Variants in RORA observed in about 807,000 individuals in gnomAD.
RORA encodes the protein RAR related orphan receptor A.
A neutral mutation model predicts 69.5 loss-of-function variants in RORA; 7 were observed. That is an observed-to-expected ratio of 0.10 (90% CI 0.06 to 0.19). The LOEUF (loss-of-function observed/expected upper bound fraction) is 0.19. Ranked by LOEUF, RORA falls within the 10% of genes least tolerant of loss-of-function variation. The pLI, the probability that RORA is intolerant of heterozygous loss-of-function variation, is 1.00. For synonymous variants in RORA, 261 were observed against 240.8 expected, an observed-to-expected ratio of 1.08 and a Z score of -0.78; for missense variants, 457 against 663.0, an observed-to-expected ratio of 0.69 and a Z score of 3.41.
At chr15:60,689,487 A>G (rs571467885) in intron 1 of RORA, among the ~76,000 whole-genome samples, 1 of 151,980 alleles carries the variant, frequency 6.6e-6, no homozygotes, top group Non-Finnish European at 1.5e-5. Context: ...TCTTTTTTTA[A>G]ATTTTAGTTT....
At chr15:60,721,939 C>T (rs2071298967) in intron 1 of RORA, among the ~76,000 whole-genome samples, 1 of 152,250 alleles carries the variant, frequency 6.6e-6, no homozygotes, top group African/African-American at 2.4e-5. Context: ...CGGCGTGCAA[C>T]CAACCCTTTA....
intron 1 of RORA, among the ~76,000 whole-genome samples, chr15:60,896,980 C>T (rs1404526916): frequency 6.6e-6 from 1 of 152,056 alleles, no homozygotes. Flanking sequence ...AGAATATCTA[C>T]CCAAGGTTGA....
At chr15:60,919,760 A>G (rs906781665) in intron 1 of RORA, among the ~76,000 whole-genome samples, 4 of 152,200 alleles carry the variant, frequency 2.6e-5, no homozygotes, top group African/African-American at 9.6e-5. Context: ...TTCCTTAGGT[A>G]GGAGTTTTCA....
At chr15:61,114,449 A>T (rs1197781314) in intron 1 of RORA, among the ~76,000 whole-genome samples, 1 of 152,186 alleles carries the variant, frequency 6.6e-6, no homozygotes, top group Non-Finnish European at 1.5e-5. Context: ...AGAAAAATGC[A>T]GTGTTGTTAG....
intron 1 of RORA, among the ~76,000 whole-genome samples, chr15:60,700,986 C>T (rs1330174049): frequency 6.6e-6 from 1 of 152,116 alleles, no homozygotes; most frequent in African/African-American, 2.4e-5. Context: ...AGCCATGTGC[C>T]CTGGTTTGGG....
chr15:60,706,185 T>C (rs907324132), intron 1 of RORA: 1 of 152,212 alleles, frequency 6.6e-6, no homozygotes, highest in Non-Finnish European at 1.5e-5. Context: ...GCTGGGCTCA[T>C]GTAGCATGAG....
chr15:60,694,564 TG>T (rs1194055235), intron 1 of RORA, among the ~76,000 whole-genome samples: 2 of 152,234 alleles, frequency 1.3e-5, no homozygotes, highest in Admixed American at 1.3e-4. Context: ...CTACCCACCT[TG>T]TATTTGTGAG....
chr15:60,724,445 C>A (rs752037884), intron 1 of RORA, among the ~76,000 whole-genome samples: 2 of 152,122 alleles, frequency 1.3e-5, no homozygotes, highest in Non-Finnish European at 1.5e-5. Flanking sequence ...AGATTTGAAC[C>A]CATACACTTT....
At chr15:60,751,551 G>A (rs574449922) in intron 1 of RORA, among the ~76,000 whole-genome samples, 2 of 152,246 alleles carry the variant, frequency 1.3e-5, no homozygotes, top group Non-Finnish European at 2.9e-5. Flanking sequence ...AAATGATGTT[G>A]AGGTGTAAAG....
At chr15:61,035,197 G>A (rs2140455152) in intron 1 of RORA, among the ~76,000 whole-genome samples, 1 of 152,082 alleles carries the variant, frequency 6.6e-6, no homozygotes, top group Non-Finnish European at 1.5e-5. Flanking sequence ...GGCTTTTACT[G>A]CATACTTTAT....
At chr15:61,203,000 C>T (rs993491026) in intron 1 of RORA, among the ~76,000 whole-genome samples, 4 of 151,990 alleles carry the variant, frequency 2.6e-5, no homozygotes, top group African/African-American at 7.3e-5. Flanking sequence ...GTTCACTATA[C>T]GTAAGATACA....
intron 3 of RORA, among the ~76,000 whole-genome samples, chr15:60,517,672 G>C (rs943499652): frequency 6.6e-6 from 1 of 152,142 alleles, no homozygotes; most frequent in African/African-American, 2.4e-5. Flanking sequence ...CTCTGTCCAA[G>C]CTGAAAGGTG....
rs61188463 is a variant in RORA, at chr15:61,175,541, T to TAAATAAAAAAAAAAAAAA, written c.166+53511_166+53512insTTTTTTTTTTTTTTATTT. On this transcript the variant is annotated intron_variant, in intron 1 of 10. Transcript: ENST00000335670. ...GAGCAACATAGTGAGATCCTGTTTC[T>TAAATAAAAAAAAAAAAAA]AAAAAAAAAAAAAAAAAACTTGCCA... 5.0e-5 allele frequency among the ~76,000 whole-genome samples: 6 copies of TAAATAAAAAAAAAAAAAA among 120,212 alleles called. 2 individuals are homozygous for TAAATAAAAAAAAAAAAAA. Among genetic ancestry groups the TAAATAAAAAAAAAAAAAA allele is most frequent in the Non-Finnish European group, 5.2e-5 (3 of 57,542 alleles). 78.9% of individuals were successfully genotyped at this position (120,212 alleles called of 152,430 possible).
chr15:61,187,139 A>G (rs1183402904), intron 1 of RORA, among the ~76,000 whole-genome samples: 2 of 152,254 alleles, frequency 1.3e-5, no homozygotes, highest in Non-Finnish European at 2.9e-5. Context: ...CAGGTTTAAG[A>G]AGTCCAACTA....
chr15:60,911,562 T>G (rs1182578569), intron 1 of RORA, among the ~76,000 whole-genome samples: 2 of 152,134 alleles, frequency 1.3e-5, no homozygotes, highest in Non-Finnish European at 2.9e-5. Context: ...TAAAAATCAT[T>G]CTAGAATGAA....
In RORA at chr15:61,128,189, G is replaced by A. The variant is rs2079159262; in HGVS notation, c.166+100864C>T. Among the ~76,000 whole-genome samples, 1 of 145,066 alleles carries A rather than the reference G, an allele frequency of 6.9e-6. No individual in the cohort carries two copies. The highest frequency in any genetic ancestry group is 1.5e-5 in the Non-Finnish European group (1 of 64,868). ...ATTTTCCCTATATCATAATTGCTGT[G>A]TGTGTGTATGCACACGTGTGTGTGT... On this transcript the variant is annotated intron_variant, in intron 1 of 10. Coordinates refer to ENST00000335670, the MANE Select transcript of RORA (RefSeq NM_134261.3). This position sits in a 1 kb window ranked among gnomAD's most constrained non-coding sequence, Gnocchi z 4.5.
At position 60,630,888 on chromosome 15, in the gene RORA, C is replaced by CTTTTTT. The variant is rs542275787; in HGVS notation, c.196+47763_196+47768dup. Among the ~76,000 whole-genome samples, 22 of 109,892 alleles carry CTTTTTT rather than the reference C, an allele frequency of 2.0e-4. 2 individuals are homozygous for CTTTTTT. The highest frequency in any genetic ancestry group is 5.3e-4 in the African/African-American group (14 of 26,436). The allele number at this position is 109,892 out of a possible 152,430, so 72.1% of individuals were successfully genotyped here. A position where few individuals can be genotyped will look rare whatever the true frequency, so the allele number is the denominator to read the frequency against. ...GGCATTTGGGCCAGGATGAGACTTT[C>CTTTTTT]TTTTTTTTTTTTTTTTTGAGACGGA... is the stretch of plus-strand genomic sequence containing the variant. On this transcript the variant is annotated intron_variant, in intron 2 of 10. Coordinates refer to ENST00000335670, the MANE Select transcript of RORA (RefSeq NM_134261.3).
chr15:60,580,500 T>C (rs1219914820), intron 2 of RORA, among the ~76,000 whole-genome samples: 2 of 152,230 alleles, frequency 1.3e-5, no homozygotes, highest in Non-Finnish European at 2.9e-5. Context: ...TAGGTGAAGT[T>C]AGAGTTGCCC....
At chr15:60,533,868 A>T (rs1049966688) in intron 2 of RORA, among the ~76,000 whole-genome samples, 1 of 152,218 alleles carries the variant, frequency 6.6e-6, no homozygotes, top group African/African-American at 2.4e-5. Context: ...AGGTGTAATG[A>T]CAGAAATTAG....
Sources: allele counts gnomAD v4.1 joint callset (sites outside exome capture counted in the v4.1 genomes callset), GRCh38; gene constraint gnomAD v4.1.1; non-coding constraint Gnocchi (gnomAD v3.1); transcripts MANE v1.5; gene names NCBI Gene and HGNC (gene_info 2026-07-23, HGNC 2026-07-21).